The following DOCK3 variants were observed in gnomAD, a reference collection of about 807,000 sequenced individuals.
The protein encoded by DOCK3 is dedicator of cytokinesis protein 3.
Under a neutral mutation model 265.6 loss-of-function variants are expected in DOCK3, and 60 were observed. The ratio of observed to expected loss-of-function variants is 0.23; its 90% confidence interval spans 0.18 to 0.28. The LOEUF (loss-of-function observed/expected upper bound fraction) is 0.28, where lower values mean the gene tolerates loss of function less well. Among genes scored for constraint, DOCK3 ranks in the 10% least tolerant of loss-of-function variants. DOCK3 has a pLI of 1.00. For missense variants in DOCK3, 1,981 were observed against 2,594.3 expected, an observed-to-expected ratio of 0.76 and a Z score of 5.14; for synonymous variants, 881 against 938.0, an observed-to-expected ratio of 0.94 and a Z score of 1.11.
Position 51,101,422 on chromosome 3 carries a change from G to A in DOCK3, c.746+11038G>A, listed in dbSNP as rs924879815. On this transcript the variant is annotated intron_variant, in intron 9 of 52. Transcript: ENST00000266037. ...GGCGTGAGCCACCGCGCCCGGCCTC[G>A]GCTTAGTCTTTCTTAGAAAATTGCA... Among the ~76,000 whole-genome samples the A allele has an allele frequency of 5.9e-5, 9 of 152,234 alleles. 1 individual carries two copies. In the South Asian group the frequency reaches 6.2e-4, roughly 11 times the overall value.
At chr3:51,061,346 A>T (rs1394916762) in intron 5 of DOCK3, among the ~76,000 whole-genome samples, 3 of 152,218 alleles carry the variant, frequency 2.0e-5, no homozygotes, top group Admixed American at 6.5e-5. Context: ...GATTAAGAAA[A>T]TGTGGCACAT....
At chr3:51,349,075 C>A in intron 39 of DOCK3, 137 bp downstream of exon 39, 1 of 790,134 alleles carries the variant, frequency 1.3e-6, no homozygotes, top group Non-Finnish European at 2.0e-6. Context: ...GCCCTCAGGA[C>A]ACTTGCAGTC....
At chr3:51,278,269 T>C (rs1453493341) in intron 26 of DOCK3, 2 of 985,262 alleles carry the variant, frequency 2.0e-6, no homozygotes, top group Non-Finnish European at 2.4e-6. Flanking sequence ...TGAATAACGA[T>C]TTTTCTGTGA....
chr3:51,117,542 G>T (rs2083794368), intron 9 of DOCK3, among the ~76,000 whole-genome samples: 1 of 152,128 alleles, frequency 6.6e-6, no homozygotes, highest in Non-Finnish European at 1.5e-5. Flanking sequence ...AGGAATGGTA[G>T]CAGCTCCTCT....
chr3:50,796,273 C>T lies in DOCK3; in HGVS notation c.121+17515C>T, dbSNP rs569511269. Among the ~76,000 whole-genome samples the T allele has an allele frequency of 4.4e-4, 67 of 152,018 alleles. No homozygotes were observed. In the South Asian group the frequency reaches 0.01, roughly 23 times the overall value. On this transcript the variant is annotated intron_variant, in intron 2 of 52. Coordinates refer to ENST00000266037, the MANE Select transcript of DOCK3 (RefSeq NM_004947.5). ...GTCTGGATCTCCTGACCTCGTGATCCGCCCCCCTCGGCCTCCCAAAGTGCT... is the reference window on the plus strand; with the variant it reads ...GTCTGGATCTCCTGACCTCGTGATCTGCCCCCCTCGGCCTCCCAAAGTGCT...
intron 9 of DOCK3, among the ~76,000 whole-genome samples, chr3:51,144,813 A>C (rs1223919930): frequency 6.6e-6 from 1 of 152,242 alleles, no homozygotes; most frequent in East Asian, 1.9e-4. Flanking sequence ...AAATGAATAC[A>C]CGAACAAACT....
chr3:51,190,302 C>T (rs182978250), intron 12 of DOCK3, among the ~76,000 whole-genome samples: 99 of 152,224 alleles, frequency 6.5e-4, no homozygotes, highest in African/African-American at 2.4e-3. Context: ...GCTGGTGAAC[C>T]TATGCAAGAG....
rs139908827 is a variant in DOCK3 at position 51,311,912 on chromosome 3, G to T, written c.3018-92G>T. On this transcript the variant is annotated intron_variant, in intron 28 of 52. Coordinates refer to ENST00000266037, the MANE Select transcript of DOCK3 (RefSeq NM_004947.5). ...CATGGGAACAAATTGTACTCAAGAAGTTTGCACACAGGCTATAGACAGCTG... is the reference window on the plus strand; with the variant it reads ...CATGGGAACAAATTGTACTCAAGAATTTTGCACACAGGCTATAGACAGCTG... 7 of 869,632 alleles carry T rather than the reference G, an allele frequency of 8.0e-6. No individual in the cohort carries two copies. The African/African-American group carries it at 1.2e-4, about 15-fold the overall frequency. 53.9% of individuals were successfully genotyped at this position (869,632 alleles called of 1,614,324 possible). A position where few individuals can be genotyped will look rare whatever the true frequency, so the allele number is the denominator to read the frequency against.
At chr3:51,125,208 T>C (rs2084215978) in intron 9 of DOCK3, among the ~76,000 whole-genome samples, 2 of 152,206 alleles carry the variant, frequency 1.3e-5, no homozygotes, top group Non-Finnish European at 2.9e-5. Context: ...CATTCTTATA[T>C]TTTCAATGTT....
intron 1 of DOCK3, among the ~76,000 whole-genome samples, chr3:50,778,280 TTTTAAAAAATATCTA>T (rs1463554466): frequency 6.6e-6 from 1 of 152,202 alleles, no homozygotes; most frequent in Non-Finnish European, 1.5e-5. Context: ...TTGATGATTC[TTTTAAAAAATATCTA>T]TTTGTTTGCT....
In DOCK3 at chr3:51,358,079, T is replaced by C. The variant is rs1226899473; in HGVS notation, c.4884+2T>C. ...ATGATGCGGGCCAGTCTCTACCATG[T>C]AAGTTGATCCCTGTCCTGCCCCTGC... On this transcript the variant is annotated splice_donor_variant, in intron 46 of 52. Transcript: ENST00000266037. LOFTEE classifies it high-confidence loss of function. 6.2e-7 allele frequency: 1 copy of C among 1,613,490 alleles called. No homozygotes were observed. Among genetic ancestry groups the C allele is most frequent in the Non-Finnish European group, 8.5e-7 (1 of 1,179,720 alleles).
rs1189825600 is a variant in DOCK3, at chr3:51,333,337, A to C, written c.3611+84A>C. The C allele has an allele frequency of 2.2e-6, 3 of 1,334,446 alleles. No individual in the cohort carries two copies. In the African/African-American group the frequency reaches 4.3e-5, roughly 19 times the overall value. The allele number at this position is 1,334,446 out of a possible 1,614,324, so 82.7% of individuals were successfully genotyped here. ...GAATCCCCCTGACCTGAAAACTGAG[A>C]CCATGTGCTCTTCATGGGGAGGACT... On this transcript the variant is annotated intron_variant, in intron 35 of 52. Transcript: ENST00000266037.
intron 38 of DOCK3, among the ~76,000 whole-genome samples, chr3:51,342,525 T>A (rs897587713): frequency 6.6e-6 from 1 of 152,190 alleles, no homozygotes; most frequent in Non-Finnish European, 1.5e-5. Flanking sequence ...CTCACCCTCA[T>A]GCCCAGCAAG....
intron 22 of DOCK3, among the ~76,000 whole-genome samples, chr3:51,252,437 A>T (rs944115749): frequency 6.6e-5 from 10 of 152,184 alleles, no homozygotes; most frequent in Non-Finnish European, 1.3e-4. Flanking sequence ...CATTGAATCT[A>T]TAAATTACCT....
intron 2 of DOCK3, among the ~76,000 whole-genome samples, chr3:50,829,173 CTT>C (rs1378584954): frequency 6.6e-6 from 1 of 152,130 alleles, no homozygotes; most frequent in Admixed American, 6.6e-5. Context: ...ATATGAATCT[CTT>C]AAATTTGTCA....
intron 2 of DOCK3, among the ~76,000 whole-genome samples, chr3:50,781,854 C>T (rs1326539531): frequency 6.6e-6 from 1 of 152,066 alleles, no homozygotes; most frequent in Non-Finnish European, 1.5e-5. Flanking sequence ...CTTTTAGTTC[C>T]CGGTTGTAAG....
intron 12 of DOCK3, among the ~76,000 whole-genome samples, chr3:51,165,146 C>A (rs1322113299): frequency 1.3e-5 from 2 of 152,066 alleles, no homozygotes; most frequent in Non-Finnish European, 2.9e-5. Context: ...ACCATGTTGG[C>A]TAGGATGGTC....
intron 23 of DOCK3, among the ~76,000 whole-genome samples, chr3:51,264,163 G>T (rs2080024120): frequency 6.6e-6 from 1 of 152,168 alleles, no homozygotes; most frequent in African/African-American, 2.4e-5. Context: ...ATAATTGGAA[G>T]TAAAACACTC....
chr3:51,298,674 G>C (rs2082227533), intron 27 of DOCK3, among the ~76,000 whole-genome samples: 1 of 152,016 alleles, frequency 6.6e-6, no homozygotes, highest in Non-Finnish European at 1.5e-5. Context: ...TTGGTTTTCT[G>C]TTCCTGTGTT....
Sources: allele counts gnomAD v4.1 joint callset (sites outside exome capture counted in the v4.1 genomes callset), GRCh38; gene constraint gnomAD v4.1.1; transcripts MANE v1.5; gene names NCBI Gene and HGNC (gene_info 2026-07-23, HGNC 2026-07-21).